Variants in MSRA observed in about 807,000 individuals in gnomAD.
The protein encoded by MSRA is methionine sulfoxide reductase A, also known as mitochondrial peptide methionine sulfoxide reductase.
A neutral mutation model predicts 31.3 loss-of-function variants in MSRA; 54 were observed. That is an observed-to-expected ratio of 1.73 (90% CI 1.39 to 2.17). The LOEUF is 2.17. MSRA is among the 30% of genes most tolerant of loss of function. The pLI is 0.00. For synonymous variants in MSRA, 169 were observed against 116.5 expected, an observed-to-expected ratio of 1.45 and a Z score of -2.90; for missense variants, 507 against 300.9, an observed-to-expected ratio of 1.69 and a Z score of -5.07.
chr8:10,261,356 T>G (rs1463883232), intron 3 of MSRA, among the ~76,000 whole-genome samples: 1 of 150,698 alleles, frequency 6.6e-6, no homozygotes, highest in Admixed American at 6.6e-5. Context: ...TAAAATTGTT[T>G]CTGTCTTCAT....
intron 4 of MSRA, among the ~76,000 whole-genome samples, chr8:10,314,744 A>G (rs1024364647): frequency 3.3e-5 from 5 of 152,260 alleles, no homozygotes; most frequent in African/African-American, 1.2e-4. Context: ...CATTAAGGGT[A>G]GAATGTATAA....
intron 1 of MSRA, among the ~76,000 whole-genome samples, chr8:10,147,559 A>G (rs1477605145): frequency 1.3e-5 from 2 of 152,174 alleles, no homozygotes; most frequent in East Asian, 1.9e-4. Context: ...ACGCCAACCA[A>G]CCGTGTACAG....
chr8:10,349,386 G>A (rs763398639), intron 5 of MSRA, among the ~76,000 whole-genome samples: 4 of 151,736 alleles, frequency 2.6e-5, no homozygotes, highest in Non-Finnish European at 5.9e-5. Context: ...GCCTGCACAC[G>A]TACCGTTGCC....
chr8:10,127,214 A>G (rs752964293), intron 1 of MSRA, among the ~76,000 whole-genome samples: 1 of 152,140 alleles, frequency 6.6e-6, no homozygotes, highest in East Asian at 1.9e-4. Context: ...ATTTTTGCCA[A>G]GTGTTCCATT....
chr8:10,371,588 A>G (rs768783305), intron 5 of MSRA, among the ~76,000 whole-genome samples: 1 of 152,174 alleles, frequency 6.6e-6, no homozygotes, highest in Admixed American at 6.5e-5. Context: ...AAGCAGAGAC[A>G]GTGTTTGGAT....
Position 10,257,722 on chromosome 8 carries a change from C to G in MSRA, c.331+12499C>G, listed in dbSNP as rs141418675. 1.7e-3 allele frequency among the ~76,000 whole-genome samples: 265 copies of G among 152,324 alleles called. 1 individual carries two copies. Among genetic ancestry groups the G allele is most frequent in the South Asian group, 0.014 (70 of 4,830 alleles). ...AGATGTTAAATAAGTACAGTTGTCTCTCCGTGTTTGGACTAACTGCTCAAG... is the reference window on the plus strand; with the variant it reads ...AGATGTTAAATAAGTACAGTTGTCTGTCCGTGTTTGGACTAACTGCTCAAG... On this transcript the variant is annotated intron_variant, in intron 3 of 5. Coordinates refer to ENST00000317173, the MANE Select transcript of MSRA (RefSeq NM_012331.5).
At chr8:10,194,181 A>G (rs1699519481) in intron 1 of MSRA, among the ~76,000 whole-genome samples, 1 of 152,202 alleles carries the variant, frequency 6.6e-6, no homozygotes, top group Non-Finnish European at 1.5e-5. Flanking sequence ...AAAAGGGGTG[A>G]ACCCACAAAT....
chr8:10,140,626 T>G (rs1460850543), intron 1 of MSRA, among the ~76,000 whole-genome samples: 1 of 152,222 alleles, frequency 6.6e-6, no homozygotes, highest in African/African-American at 2.4e-5. Context: ...TTTCTCGGTT[T>G]CTCTATTTTA....
chr8:10,089,944 G>A (rs1384202739), intron 1 of MSRA, among the ~76,000 whole-genome samples: 1 of 152,136 alleles, frequency 6.6e-6, no homozygotes, highest in Non-Finnish European at 1.5e-5. Context: ...CCTTCCACGA[G>A]GCACCACCTC....
At chr8:10,244,884 C>G (rs1352605761) in intron 2 of MSRA, among the ~76,000 whole-genome samples, 2 of 151,984 alleles carry the variant, frequency 1.3e-5, no homozygotes, top group African/African-American at 2.4e-5. Flanking sequence ...TTTTGCACAG[C>G]TAAAGCAAAG....
At chr8:10,301,444 C>G (rs1800837754) in intron 3 of MSRA, 90 bp from the exon 4 acceptor site, 2 of 962,628 alleles carry the variant, frequency 2.1e-6, no homozygotes, top group East Asian at 4.8e-5. Context: ...AGAGTTTCAG[C>G]TTTTGTCTGT....
intron 5 of MSRA, 150 bp from the exon 6 acceptor site, chr8:10,427,998 T>G (rs1234291495): frequency 2.6e-5 from 19 of 728,394 alleles, no homozygotes; most frequent in African/African-American, 3.6e-5. Context: ...GTCACTCCAC[T>G]TGGAATGCGG....
chr8:10,205,964 T>G lies in MSRA; in HGVS notation c.143-1869T>G, dbSNP rs371161388. ...GTAATTTTCTAAGCAATTCCTCTAC[T>G]TTTGGATATTTAGTTGATTTTAAGA... is the stretch of plus-strand genomic sequence containing the variant. On this transcript the variant is annotated intron_variant, in intron 1 of 5. Transcript: ENST00000317173. Among the ~76,000 whole-genome samples the G allele has an allele frequency of 2.6e-5, 4 of 152,350 alleles. No individual in the cohort carries two copies. In the South Asian group the frequency reaches 8.3e-4, roughly 32 times the overall value.
At chr8:10,163,867 G>T (rs1304318868) in intron 1 of MSRA, among the ~76,000 whole-genome samples, 1 of 152,172 alleles carries the variant, frequency 6.6e-6, no homozygotes, top group African/African-American at 2.4e-5. Flanking sequence ...TCCGCCCTTT[G>T]CCCCAGTCGG....
intron 5 of MSRA, among the ~76,000 whole-genome samples, chr8:10,423,501 TGGGGTGGGGC>T (rs1344054158): frequency 7.8e-6 from 1 of 127,768 alleles, no homozygotes; most frequent in Admixed American, 7.6e-5. Flanking sequence ...CCAGTGGACT[TGGGGTGGGGC>T]GGGGAGGGGG....
At chr8:10,163,057 G>A (rs1804801562) in intron 1 of MSRA, among the ~76,000 whole-genome samples, 1 of 152,062 alleles carries the variant, frequency 6.6e-6, no homozygotes, top group Non-Finnish European at 1.5e-5. Context: ...GGGACCAAGA[G>A]CCTTAGTGCC....
intron 4 of MSRA, among the ~76,000 whole-genome samples, chr8:10,317,961 T>C (rs149475147): frequency 5.9e-5 from 9 of 152,208 alleles, no homozygotes; most frequent in African/African-American, 2.2e-4. Flanking sequence ...ACCCACCAGC[T>C]TCAGGACCCA....
At chr8:10,336,535 A>G (rs866773384) in intron 5 of MSRA, among the ~76,000 whole-genome samples, 45 of 152,116 alleles carry the variant, frequency 3.0e-4, no homozygotes, top group African/African-American at 1.1e-3. Flanking sequence ...TTACAGACCA[A>G]ACTCAGTGTC....
intron 5 of MSRA, among the ~76,000 whole-genome samples, chr8:10,377,723 C>T (rs1001721926): frequency 6.6e-6 from 1 of 152,198 alleles, no homozygotes; most frequent in African/African-American, 2.4e-5. Context: ...GCTCAAAAAT[C>T]AGATTGGAAC....
Sources: gnomAD v4.1 joint callset for allele counts (sites outside exome capture counted in the v4.1 genomes callset) on GRCh38, gnomAD v4.1.1 for gene constraint, MANE v1.5 for transcripts, NCBI Gene and HGNC (gene_info 2026-07-23, HGNC 2026-07-21) for gene names.